The following SCAMP1 variants were observed in gnomAD, a reference collection of about 807,000 sequenced individuals.
SCAMP1 encodes secretory carrier membrane protein 1, also known as secretory carrier-associated membrane protein 1.
Under a neutral mutation model 41.8 loss-of-function variants are expected in SCAMP1, and 15 were observed. The ratio of observed to expected loss-of-function variants is 0.36; its 90% confidence interval spans 0.24 to 0.55. The LOEUF is 0.55. Among genes scored for constraint, SCAMP1 ranks in the 20% least tolerant of loss-of-function variants. The pLI is 0.86. For missense variants in SCAMP1, 341 were observed against 412.6 expected, an observed-to-expected ratio of 0.83 and a Z score of 1.50; for synonymous variants, 135 against 136.8, an observed-to-expected ratio of 0.99 and a Z score of 0.09.
At chr5:78,394,684 C>A (rs1751604896) in intron 2 of SCAMP1, among the ~76,000 whole-genome samples, 1 of 152,112 alleles carries the variant, frequency 6.6e-6, no homozygotes, top group South Asian at 2.1e-4. Flanking sequence ...CTGTGCACTT[C>A]TTTTTTCTTT....
intron 6 of SCAMP1, among the ~76,000 whole-genome samples, chr5:78,435,853 G>C (rs964587570): frequency 2.0e-5 from 3 of 152,226 alleles, no homozygotes; most frequent in African/African-American, 7.2e-5. Flanking sequence ...CAGTGTAAAA[G>C]CTTTCTTATT....
Position 78,480,034 on chromosome 5 carries a change from A to AGGC in SCAMP1, c.*4367_*4368insGCG, listed in dbSNP as rs1754103266. On this transcript the variant is annotated 3_prime_UTR_variant, in exon 9 of 9. Coordinates refer to ENST00000621999, the MANE Select transcript of SCAMP1 (RefSeq NM_004866.6). ...GCACTCCAGCCTGGGCGACAGAGCGAGACTCCATCTCAAGAAAAAAAAAAA... is the reference window on the plus strand; with the variant it reads ...GCACTCCAGCCTGGGCGACAGAGCGAGGCGACTCCATCTCAAGAAAAAAAAAAA... 6.7e-6 allele frequency among the ~76,000 whole-genome samples: 1 copy of AGGC among 148,152 alleles called. No individual in the cohort carries two copies. Among genetic ancestry groups the AGGC allele is most frequent in the Admixed American group, 6.7e-5 (1 of 15,014 alleles).
chr5:78,413,133 C>T (rs529733597), intron 2 of SCAMP1, among the ~76,000 whole-genome samples: 6 of 152,112 alleles, frequency 3.9e-5, no homozygotes, highest in Middle Eastern at 3.4e-3. Context: ...GTATATGATG[C>T]GAAGTAAGAA....
Position 78,479,886 on chromosome 5 carries a change from C to CA in SCAMP1, c.*4228dup, listed in dbSNP as rs372998936. The stretch of plus-strand genomic sequence containing the variant: ...TGAAACCCCATCTCTACTAAAAATA[C>CA]AAAAAAAAAATTAGCTGAGCATGGT... On this transcript the variant is annotated 3_prime_UTR_variant, in exon 9 of 9. Coordinates refer to ENST00000621999, the MANE Select transcript of SCAMP1 (RefSeq NM_004866.6). Among the ~76,000 whole-genome samples, 5,053 of 148,302 alleles carry CA rather than the reference C, an allele frequency of 0.034. 293 individuals are homozygous for CA. Among genetic ancestry groups the CA allele is most frequent in the African/African-American group, 0.11 (4,623 of 40,596 alleles).
chr5:78,415,660 A>T, intron 3 of SCAMP1, 42 bp downstream of exon 3: 1 of 1,186,598 alleles, frequency 8.4e-7, no homozygotes, highest in East Asian at 2.5e-5. Flanking sequence ...TGGCCATTAT[A>T]ATATCAATAA....
chr5:78,394,410 A>G (rs1325985636), intron 2 of SCAMP1, among the ~76,000 whole-genome samples: 1 of 152,098 alleles, frequency 6.6e-6, no homozygotes, highest in Non-Finnish European at 1.5e-5. Flanking sequence ...TTTTATAGAC[A>G]CAGGTTCTTG....
rs770454209 is a variant in SCAMP1 at position 78,476,866 on chromosome 5, G to T, written c.*1198G>T. ...ATATAAATACAGTTAACTGCATTAA[G>T]ATAATCACGTTAAAATTGTTACTAT... On this transcript the variant is annotated 3_prime_UTR_variant, in exon 9 of 9. Coordinates refer to ENST00000621999, the MANE Select transcript of SCAMP1 (RefSeq NM_004866.6). The T allele has an allele frequency of 2.0e-4, 30 of 151,940 alleles. No individual in the cohort carries two copies. The highest frequency in any genetic ancestry group is 3.2e-4 in the Non-Finnish European group (22 of 67,898). The allele number at this position is 151,940 out of a possible 1,614,324, so 9.4% of individuals were successfully genotyped here.
rs1289492485 is a variant in SCAMP1, at chr5:78,480,710, GAAAATA to G, written c.*5051_*5056del. Among the ~76,000 whole-genome samples, 3 of 152,032 alleles carry G rather than the reference GAAAATA, an allele frequency of 2.0e-5. No individual in the cohort carries two copies. Among genetic ancestry groups the G allele is most frequent in the African/African-American group, 4.8e-5 (2 of 41,398 alleles). Reference sequence around the variant, plus strand: ...TAAAAATTCAGAAAGTGATACATGAGAAAATAAAAATAAATCCTTAATTCTGTCATC... The same window carrying G: ...TAAAAATTCAGAAAGTGATACATGAGAAAATAAATCCTTAATTCTGTCATC... On this transcript the variant is annotated 3_prime_UTR_variant, in exon 9 of 9. Transcript: ENST00000621999.
Position 78,479,435 on chromosome 5 carries a change from C to T in SCAMP1, c.*3767C>T, listed in dbSNP as rs1449701106. Among the ~76,000 whole-genome samples the T allele has an allele frequency of 6.6e-6, 1 of 152,076 alleles. No homozygotes were observed. Among genetic ancestry groups the T allele is most frequent in the Non-Finnish European group, 1.5e-5 (1 of 68,002 alleles). ...TTTTTATTGAGCTAAAAAGTTTTAT[C>T]TCACATATTAAGTATTACAGAAAGT... On this transcript the variant is annotated 3_prime_UTR_variant, in exon 9 of 9. Transcript: ENST00000621999.
chr5:78,471,116 A>G (rs1380695744), intron 8 of SCAMP1, among the ~76,000 whole-genome samples: 1 of 152,190 alleles, frequency 6.6e-6, no homozygotes, highest in African/African-American at 2.4e-5. Flanking sequence ...GCCCTTAGGC[A>G]AGTAAAAGCA....
chr5:78,422,458 G>A (rs895005582), intron 6 of SCAMP1, among the ~76,000 whole-genome samples: 1 of 151,794 alleles, frequency 6.6e-6, no homozygotes, highest in Non-Finnish European at 1.5e-5. Flanking sequence ...TTTTAAAAAC[G>A]ATTTATGCTA....
intron 2 of SCAMP1, among the ~76,000 whole-genome samples, chr5:78,412,512 A>G (rs1468301735): frequency 3.3e-5 from 5 of 152,052 alleles, no homozygotes; most frequent in Non-Finnish European, 7.4e-5. Flanking sequence ...ATTTCCATTG[A>G]CTTGAAATGC....
In SCAMP1 at chr5:78,477,999, C is replaced by T. The variant is rs1346490641; in HGVS notation, c.*2331C>T. On this transcript the variant is annotated 3_prime_UTR_variant, in exon 9 of 9. Coordinates refer to ENST00000621999, the MANE Select transcript of SCAMP1 (RefSeq NM_004866.6). Reference sequence around the variant, plus strand: ...CACAGCAGTCATCCGTGTCATTTATCATTTTGTAATATTAAATTATGGCAA... The same window carrying T: ...CACAGCAGTCATCCGTGTCATTTATTATTTTGTAATATTAAATTATGGCAA... 1.3e-5 allele frequency: 2 copies of T among 152,300 alleles called. No individual in the cohort carries two copies. Among genetic ancestry groups the T allele is most frequent in the Admixed American group, 1.3e-4 (2 of 15,270 alleles). 9.4% of individuals were successfully genotyped at this position (152,300 alleles called of 1,614,324 possible).
intron 5 of SCAMP1, among the ~76,000 whole-genome samples, chr5:78,420,753 TG>T (rs1301890758): frequency 1.3e-5 from 2 of 152,128 alleles, no homozygotes; most frequent in East Asian, 3.8e-4. Context: ...ACTTATCTGG[TG>T]GGTTAGGTAA....
intron 6 of SCAMP1, among the ~76,000 whole-genome samples, chr5:78,428,219 A>G (rs529856262): frequency 1.5e-3 from 221 of 152,176 alleles, no homozygotes; most frequent in African/African-American, 5.0e-3. Context: ...TTTTTTGTGT[A>G]TGAAGGTTAT....
intron 7 of SCAMP1, among the ~76,000 whole-genome samples, chr5:78,451,179 T>A (rs770283457): frequency 2.6e-4 from 39 of 152,320 alleles, no homozygotes; most frequent in Admixed American, 5.9e-4. Flanking sequence ...AAAAAGAGTC[T>A]GCTAATGAGG....
chr5:78,389,943 C>T (rs1176484038), intron 2 of SCAMP1, among the ~76,000 whole-genome samples: 1 of 151,886 alleles, frequency 6.6e-6, no homozygotes, highest in Non-Finnish European at 1.5e-5. Context: ...AAACTGTTTC[C>T]ATGAGTTCTG....
chr5:78,459,197 A>G (rs774759743), intron 7 of SCAMP1, 48 bp from the exon 8 acceptor site: 1 of 868,690 alleles, frequency 1.2e-6, no homozygotes, highest in Non-Finnish European at 1.9e-6. Context: ...CTATTTTTAA[A>G]AAGTTTACAT....
Position 78,459,318 on chromosome 5 carries a change from C to T in SCAMP1, c.808C>T (p.Leu270Phe). The T allele has an allele frequency of 2.5e-6, 4 of 1,606,924 alleles. No individual in the cohort carries two copies. The highest frequency in any genetic ancestry group is 3.4e-6 in the Non-Finnish European group (4 of 1,174,132). The change falls in exon 8 of 9, where the codon CTT becomes TTT. Residue 270 changes from leucine to phenylalanine, a missense_variant. Physicochemically the swap from Leu to Phe is conservative, Grantham distance 22. Coordinates refer to ENST00000621999, the MANE Select transcript of SCAMP1 (RefSeq NM_004866.6). ...VGIMMIIIAA[L>F]FTASAVISLV... ...AATCATGATGATAATCATAGCAGCA[C>T]TTTTCACAGCATCAGCAGTCATCTC...
Sources: allele counts gnomAD v4.1 joint callset (sites outside exome capture counted in the v4.1 genomes callset), GRCh38; gene constraint gnomAD v4.1.1; transcripts MANE v1.5; gene names NCBI Gene and HGNC (gene_info 2026-07-23, HGNC 2026-07-21).